The following RIMBP2 variants were observed in gnomAD, a reference collection of about 807,000 sequenced individuals.
The protein encoded by RIMBP2 is RIMS binding protein 2.
In RIMBP2, 48 loss-of-function variants were observed where a neutral mutation model predicts 118.6. The ratio of observed to expected loss-of-function variants is 0.40; its 90% CI spans 0.32 to 0.51. The LOEUF (loss-of-function observed/expected upper bound fraction) is 0.51. Ranked by LOEUF, RIMBP2 falls within the 20% of genes least tolerant of loss-of-function variation. The pLI, the probability that RIMBP2 is intolerant of heterozygous loss-of-function variation, is 0.41. For missense variants in RIMBP2, 1,551 were observed against 1,768.3 expected (o/e 0.88, Z 2.20); for synonymous variants, 762 against 742.9 (o/e 1.03, Z -0.42).
Position 130,639,879 on chromosome 12 carries a change from T to C in RIMBP2, c.-351-11423A>G, listed in dbSNP as rs113810872. The stretch of plus-strand genomic sequence containing the variant: ...GAAACGTAGTCAGGCTGCTCCATTC[T>C]CCAGAGATGTAAATCAATAAAATAA... On this transcript the variant is annotated intron_variant, in intron 1 of 22. Coordinates refer to ENST00000690449, the MANE Select transcript of RIMBP2 (RefSeq NM_001393629.1). Among the ~76,000 whole-genome samples, 1,260 of 152,298 alleles carry C rather than the reference T, an allele frequency of 8.3e-3. 8 individuals carry two copies. Among genetic ancestry groups the C allele is most frequent in the Non-Finnish European group, 0.014 (939 of 68,034 alleles).
intron 6 of RIMBP2, among the ~76,000 whole-genome samples, chr12:130,462,790 T>C (rs1334847069): frequency 2.0e-5 from 3 of 152,238 alleles, no homozygotes; most frequent in Non-Finnish European, 4.4e-5. Flanking sequence ...AGGCATGGAA[T>C]GTACCCTCTC....
intron 1 of RIMBP2, among the ~76,000 whole-genome samples, chr12:130,666,547 G>A (rs753436995): frequency 2.0e-5 from 3 of 152,106 alleles, no homozygotes; most frequent in Non-Finnish European, 4.4e-5. Context: ...CGCCTGCTGT[G>A]AGCTCAATCC....
At chr12:130,507,211 G>A (rs1235606325) in intron 3 of RIMBP2, among the ~76,000 whole-genome samples, 1 of 152,164 alleles carries the variant, frequency 6.6e-6, no homozygotes, top group African/African-American at 2.4e-5. Flanking sequence ...GAACTACTGT[G>A]GCCTTTGCCA....
chr12:130,623,545 G>A lies in RIMBP2; in HGVS notation c.-217+4777C>T, dbSNP rs1345566607. Among the ~76,000 whole-genome samples the A allele has an allele frequency of 6.6e-6, 1 of 152,090 alleles. No individual in the cohort carries two copies. Among genetic ancestry groups the A allele is most frequent in the African/African-American group, 2.4e-5 (1 of 41,402 alleles). The stretch of plus-strand genomic sequence containing the variant: ...GTTAGGGGACAGTTAGTTAACTGTT[G>A]TCATCTGTGTGTGCATCTACATATA... On this transcript the variant is annotated intron_variant, in intron 2 of 22. Transcript: ENST00000690449. This position sits in a 1 kb window ranked among gnomAD's most constrained non-coding sequence, Gnocchi z 4.1.
Position 130,627,649 on chromosome 12 carries a change from T to C in RIMBP2, c.-217+673A>G, listed in dbSNP as rs77483466. Among the ~76,000 whole-genome samples, 1,174 of 152,236 alleles carry C rather than the reference T, an allele frequency of 7.7e-3. 13 individuals are homozygous for C. Among genetic ancestry groups the C allele is most frequent in the African/African-American group, 0.027 (1,112 of 41,530 alleles). On this transcript the variant is annotated intron_variant, in intron 2 of 22. Transcript: ENST00000690449. ...TCTCAGTCTTTCTCATCCTAGGAAA[T>C]GGTCCTCCCCTTCCACCATGCAGCC... is the stretch of plus-strand genomic sequence containing the variant.
chr12:130,608,290 C>T (rs1426362387), intron 2 of RIMBP2, among the ~76,000 whole-genome samples: 1 of 152,222 alleles, frequency 6.6e-6, no homozygotes, highest in Non-Finnish European at 1.5e-5. Context: ...CTAGAGGATG[C>T]TGGGCAGGAA....
At chr12:130,628,786 G>A (rs778574760) in intron 1 of RIMBP2, among the ~76,000 whole-genome samples, 2 of 152,158 alleles carry the variant, frequency 1.3e-5, no homozygotes, top group African/African-American at 4.8e-5. Flanking sequence ...TGCACTTAGG[G>A]CTAATTATCC....
rs1022572111 is a variant in RIMBP2 at position 130,649,072 on chromosome 12, C to A, written c.-351-20616G>T. 2.1e-5 allele frequency among the ~76,000 whole-genome samples: 3 copies of A among 146,042 alleles called. 1 individual carries two copies. The Admixed American group carries it at 2.1e-4, about 10-fold the overall frequency. ...CTGACTCAGAGGCACGGGAGCAGAT[C>A]TCCCGGCTTTTCCTGCCCTTCGTGG... On this transcript the variant is annotated intron_variant, in intron 1 of 22. Transcript: ENST00000690449.
chr12:130,527,519 G>A (rs1233503009), intron 2 of RIMBP2, among the ~76,000 whole-genome samples: 1 of 152,246 alleles, frequency 6.6e-6, no homozygotes, highest in Non-Finnish European at 1.5e-5. Flanking sequence ...ACACAAGTTA[G>A]AGACAAGCTC....
chr12:130,616,086 G>C (rs894359669), intron 2 of RIMBP2, among the ~76,000 whole-genome samples: 2 of 152,088 alleles, frequency 1.3e-5, no homozygotes, highest in Non-Finnish European at 2.9e-5. Context: ...AAACCTACCC[G>C]CTGGGCTCTG....
At position 130,634,842 on chromosome 12, in the gene RIMBP2, A is replaced by C. The variant is rs540629220; in HGVS notation, c.-351-6386T>G. ...TCAAACACCTGAGCTCAAGTAATCC[A>C]CCTGCTGCAGCTTCCCAAAGTGCTG... On this transcript the variant is annotated intron_variant, in intron 1 of 22. Transcript: ENST00000690449. 2.0e-5 allele frequency among the ~76,000 whole-genome samples: 3 copies of C among 152,208 alleles called. No individual in the cohort carries two copies. In the South Asian group the frequency reaches 6.2e-4, roughly 32 times the overall value.
At chr12:130,597,669 A>C (rs535661040) in intron 2 of RIMBP2, among the ~76,000 whole-genome samples, 1 of 152,378 alleles carries the variant, frequency 6.6e-6, no homozygotes, top group East Asian at 1.9e-4. Flanking sequence ...GTGCACACGA[A>C]AGTATCTGAG....
chr12:130,689,260 C>T (rs555049883), intron 1 of RIMBP2, among the ~76,000 whole-genome samples: 2 of 152,136 alleles, frequency 1.3e-5, no homozygotes, highest in African/African-American at 4.8e-5. Flanking sequence ...TGGCGAAAAC[C>T]CGTCTCTACC....
At chr12:130,474,015 C>G (rs2081228067) in intron 5 of RIMBP2, among the ~76,000 whole-genome samples, 1 of 152,162 alleles carries the variant, frequency 6.6e-6, no homozygotes. Context: ...CGGAAAAGCC[C>G]TTTAGCTCAC....
chr12:130,645,658 G>A (rs74729359), intron 1 of RIMBP2, among the ~76,000 whole-genome samples: 22,047 of 152,228 alleles, frequency 0.14, 1,964 homozygotes, highest in Non-Finnish European at 0.2. Flanking sequence ...GTCGGCGTTA[G>A]CCCAAAGAGC....
chr12:130,560,397 G>A (rs139351476), intron 2 of RIMBP2, among the ~76,000 whole-genome samples: 6 of 152,260 alleles, frequency 3.9e-5, no homozygotes, highest in African/African-American at 1.4e-4. Context: ...CTGTGGGGCT[G>A]TCTTGTGCAG....
At chr12:130,574,984 A>G (rs1412372150) in intron 2 of RIMBP2, among the ~76,000 whole-genome samples, 3 of 7,228 alleles carry the variant, frequency 4.2e-4, no homozygotes, top group African/African-American at 1.8e-3. Flanking sequence ...CCCCACCCCC[A>G]GACGCCCTGT....
rs2140755599 is a variant in RIMBP2 at position 130,617,670 on chromosome 12, T to A, written c.-217+10652A>T. Reference sequence around the variant, plus strand: ...GTAACAGAGAGGGCCTTGGGCTGAGTGTCTATGACCTGACGCTAAGCAGCC... The same window carrying A: ...GTAACAGAGAGGGCCTTGGGCTGAGAGTCTATGACCTGACGCTAAGCAGCC... On this transcript the variant is annotated intron_variant, in intron 2 of 22. Coordinates refer to ENST00000690449, the MANE Select transcript of RIMBP2 (RefSeq NM_001393629.1). The surrounding 1 kb of genome is among the most constrained non-coding windows in gnomAD (Gnocchi z 4.6). 6.6e-6 allele frequency among the ~76,000 whole-genome samples: 1 copy of A among 152,294 alleles called. No homozygotes were observed. Among genetic ancestry groups the A allele is most frequent in the South Asian group, 2.1e-4 (1 of 4,820 alleles).
intron 2 of RIMBP2, among the ~76,000 whole-genome samples, chr12:130,568,582 G>C (rs1198877169): frequency 1.3e-5 from 2 of 152,200 alleles, no homozygotes; most frequent in Admixed American, 1.3e-4. Context: ...GACAAGCTCT[G>C]CCGCTCAGGA....
Sources: gnomAD v4.1 joint callset for allele counts (sites outside exome capture counted in the v4.1 genomes callset) on GRCh38, gnomAD v4.1.1 for gene constraint, Gnocchi (gnomAD v3.1) non-coding constraint, MANE v1.5 for transcripts, NCBI Gene and HGNC (gene_info 2026-07-23, HGNC 2026-07-21) for gene names.